The following KNL1 variants were observed in gnomAD, a reference collection of about 807,000 sequenced individuals.
KNL1 encodes the protein outer kinetochore KNL1 complex subunit KNL1.
KNL1 carries 66 observed loss-of-function variants against 201.3 expected under a neutral mutation model. The observed-to-expected ratio is 0.33, with a 90% CI of 0.27 to 0.40. KNL1 has a LOEUF of 0.40. KNL1 is among the 10% of genes least tolerant of loss of function. The pLI is 1.00. For synonymous variants in KNL1, 895 were observed against 899.2 expected, an observed-to-expected ratio of 1.00 and a Z score of 0.08; for missense variants, 2,815 against 2,690.5, an observed-to-expected ratio of 1.05 and a Z score of -1.02.
rs769140291 is a variant in KNL1 at position 40,657,058 on chromosome 15, T to TTCC, written c.6505_6507dup (p.Ser2169dup). The TTCC allele has an allele frequency of 1.9e-6, 3 of 1,577,702 alleles. No individual in the cohort carries two copies. Among genetic ancestry groups the TTCC allele is most frequent in the African/African-American group, 2.7e-5 (2 of 73,886 alleles). On this transcript the variant is annotated inframe_insertion, in exon 23 of 26. Coordinates refer to ENST00000399668, the MANE Select transcript of KNL1 (RefSeq NM_144508.5). ...CTTCCCCAGAGGATCAAGCTCCTCCTTCCTCCCTTTTAGTTCATAAGCTTA... is the reference window on the plus strand; with the variant it reads ...CTTCCCCAGAGGATCAAGCTCCTCCTTCCTCCTCCCTTTTAGTTCATAAGCTTA...
In KNL1 at chr15:40,661,938, G is replaced by C. The variant is rs1595954405; in HGVS notation, c.6837-136G>C. On this transcript the variant is annotated intron_variant, in intron 25 of 25. Transcript: ENST00000399668. ...CGCCTGTAGTCCCAGCTACTCGGGA[G>C]GCTGAGGCAGGAGAATGGCATGAAC... is the stretch of plus-strand genomic sequence containing the variant. 10 of 520,898 alleles carry C rather than the reference G, an allele frequency of 1.9e-5. No individual in the cohort carries two copies. The East Asian group carries it at 3.6e-4, about 18-fold the overall frequency. 32.3% of individuals were successfully genotyped at this position (520,898 alleles called of 1,614,324 possible). A position where few individuals can be genotyped will look rare whatever the true frequency, so the allele number is the denominator to read the frequency against.
chr15:40,601,504 T>G (rs1891789912), intron 1 of KNL1, among the ~76,000 whole-genome samples: 1 of 152,142 alleles, frequency 6.6e-6, no homozygotes, highest in South Asian at 2.1e-4. Flanking sequence ...GTGTGATAAT[T>G]TTCCAGGAAT....
chr15:40,625,194 A>C lies in KNL1; in HGVS notation c.4930A>C (p.Lys1644Gln), dbSNP rs776718326. Residue 1644 changes from lysine to glutamine, a missense_variant, in exon 10 of 26, where the codon AAA becomes CAA. Lys to Gln is a moderately conservative substitution (Grantham distance 53). This residue lies in a region of KNL1 where 2,464 missense variants were observed against 2,291.7 expected (regional missense o/e 1.08). Coordinates refer to ENST00000399668, the MANE Select transcript of KNL1 (RefSeq NM_144508.5). Reference sequence around the variant, plus strand: ...ACCGCCAAAGACAGTTTTTAAAGATAAAGTAAGGAGATGTTCTTTGGGAAT... The same window carrying C: ...ACCGCCAAAGACAGTTTTTAAAGATCAAGTAAGGAGATGTTCTTTGGGAAT... ...SLPPKTVFKD[K>Q]VRRCSLGIFL... The C allele has an allele frequency of 6.2e-7, 1 of 1,613,984 alleles. No individual in the cohort carries two copies. The highest frequency in any genetic ancestry group is 8.5e-7 in the Non-Finnish European group (1 of 1,179,952).
chr15:40,644,982 T>A lies in KNL1; in HGVS notation c.5799-15T>A, dbSNP rs1893342060. Reference sequence around the variant, plus strand: ...TCTTTTCCCTACAGTGCTAATTAACTTTTCCGTATTTTAGATTAAAGCTTT... The same window carrying A: ...TCTTTTCCCTACAGTGCTAATTAACATTTCCGTATTTTAGATTAAAGCTTT... On this transcript the variant is annotated splice_polypyrimidine_tract_variant and intron_variant, in intron 14 of 25. Transcript: ENST00000399668. 4.4e-6 allele frequency: 7 copies of A among 1,580,166 alleles called. No homozygotes were observed. The highest frequency in any genetic ancestry group is 6.1e-6 in the Non-Finnish European group (7 of 1,152,098).
intron 13 of KNL1, among the ~76,000 whole-genome samples, chr15:40,630,607 G>A (rs745883218): frequency 5.3e-5 from 8 of 152,056 alleles, no homozygotes; most frequent in East Asian, 1.9e-4. Context: ...GTGGCATTAC[G>A]TTCTCACAGA....
At position 40,609,485 on chromosome 15, in the gene KNL1, C is replaced by T. The variant is rs545784557; in HGVS notation, c.197+577C>T. ...ATTAGCAGAATTAGAATGAACTGGT[C>T]GGATTCAAGGCAGATGTCAAATGCT... On this transcript the variant is annotated intron_variant, in intron 5 of 25. Transcript: ENST00000399668. 2.3e-4 allele frequency among the ~76,000 whole-genome samples: 35 copies of T among 152,190 alleles called. 1 individual carries two copies. Among genetic ancestry groups the T allele is most frequent in the African/African-American group, 7.7e-4 (32 of 41,526 alleles).
chr15:40,610,264 CAT>C lies in KNL1; in HGVS notation c.220_221del (p.Met74GlufsTer23). 6.6e-7 allele frequency: 1 copy of C among 1,515,686 alleles called. No individual in the cohort carries two copies. Among genetic ancestry groups the C allele is most frequent in the Non-Finnish European group, 9.2e-7 (1 of 1,091,860 alleles). 93.9% of individuals were successfully genotyped at this position (1,515,686 alleles called of 1,614,324 possible). A position where few individuals can be genotyped will look rare whatever the true frequency, so the allele number is the denominator to read the frequency against. On this transcript the variant is annotated frameshift_variant, in exon 6 of 26. Coordinates refer to ENST00000399668, the MANE Select transcript of KNL1 (RefSeq NM_144508.5). LOFTEE classifies it high-confidence loss of function. ...TTCTAGGGTATTCCAGACGGAGTCTCATATGAAAATAGTGAGAAAGTCAGAAA... is the reference window on the plus strand; with the variant it reads ...TTCTAGGGTATTCCAGACGGAGTCTCATGAAAATAGTGAGAAAGTCAGAAA... Reference protein sequence around the residue: ...DTIKVFQTESHMKIVRKSEME... With the variant: ...DTIKVFQTESXMKIVRKSEME...
At chr15:40,629,495 C>CTTTTTTTTTTTTTTT (rs386382806) in intron 13 of KNL1, 124 bp downstream of exon 13, 1 of 162,464 alleles carries the variant, frequency 6.2e-6, no homozygotes, top group Non-Finnish European at 1.1e-5. Flanking sequence ...TTTGCCTTTT[C>CTTTTTTTTTTTTTTT]TTTTTTTTTT....
At chr15:40,603,548 G>A (rs763318360) in intron 2 of KNL1, among the ~76,000 whole-genome samples, 19 of 152,182 alleles carry the variant, frequency 1.2e-4, no homozygotes, top group Admixed American at 1.2e-3. Context: ...CTTAGGCCCA[G>A]TAACTTGAGA....
chr15:40,612,705 C>CA (rs1456440068), intron 7 of KNL1, among the ~76,000 whole-genome samples: 1 of 151,816 alleles, frequency 6.6e-6, no homozygotes, highest in Non-Finnish European at 1.5e-5. Context: ...TTTTAGTAGA[C>CA]ACGGGGTTTC....
chr15:40,640,563 A>C (rs917557771), intron 13 of KNL1, among the ~76,000 whole-genome samples: 2 of 152,164 alleles, frequency 1.3e-5, no homozygotes, highest in African/African-American at 4.8e-5. Context: ...AGAAAATGGG[A>C]ATAGTTACTA....
chr15:40,594,755 G>A (rs911616386), intron 1 of KNL1, among the ~76,000 whole-genome samples: 2 of 152,188 alleles, frequency 1.3e-5, no homozygotes, highest in East Asian at 1.9e-4. Context: ...CTTCCCTAGG[G>A]ACCTCTCGGC....
chr15:40,613,124 T>C (rs1021541547), intron 7 of KNL1, among the ~76,000 whole-genome samples: 26 of 152,290 alleles, frequency 1.7e-4, no homozygotes, highest in African/African-American at 6.0e-4. Context: ...TAATTGACTA[T>C]GCAGCCGGAA....
rs576489050 is a variant in KNL1 at position 40,596,757 on chromosome 15, T to C, written c.-18+2365T>C. 5.9e-5 allele frequency among the ~76,000 whole-genome samples: 9 copies of C among 151,848 alleles called. No homozygotes were observed. In the East Asian group the frequency reaches 1.8e-3, roughly 30 times the overall value. On this transcript the variant is annotated intron_variant, in intron 1 of 25. Coordinates refer to ENST00000399668, the MANE Select transcript of KNL1 (RefSeq NM_144508.5). ...GGCTCACACCTGTAATCCCAGCACT[T>C]TGGGAGGCCGAGGCAGGCAGATCAC...
chr15:40,662,230 G>T lies in KNL1; in HGVS notation c.*42G>T. ...TGGAACAACCAAGCAGAATGTACTT[G>T]ATATTATTTCAGGGTCCCATTGCTG... On this transcript the variant is annotated 3_prime_UTR_variant, in exon 26 of 26. Coordinates refer to ENST00000399668, the MANE Select transcript of KNL1 (RefSeq NM_144508.5). 8.8e-7 allele frequency: 1 copy of T among 1,140,824 alleles called. No individual in the cohort carries two copies. 70.7% of individuals were successfully genotyped at this position (1,140,824 alleles called of 1,614,324 possible).
intron 1 of KNL1, among the ~76,000 whole-genome samples, chr15:40,597,000 C>CAA (rs35126045): frequency 4.4e-5 from 4 of 90,522 alleles, no homozygotes; most frequent in African/African-American, 8.5e-5. Flanking sequence ...AACTCCATCT[C>CAA]AAAAAAAAAA....
At chr15:40,619,108 TA>T (rs953003197) in intron 9 of KNL1, 97 bp downstream of exon 9, 84 of 861,592 alleles carry the variant, frequency 9.7e-5, no homozygotes, top group Non-Finnish European at 1.4e-4. Flanking sequence ...AGGGATGACT[TA>T]AAAAAATGAA....
intron 19 of KNL1, among the ~76,000 whole-genome samples, 178 bp from the exon 20 acceptor site, chr15:40,651,293 T>TA (rs1491041703): frequency 6.5e-5 from 7 of 106,936 alleles, no homozygotes; most frequent in African/African-American, 1.3e-4. Flanking sequence ...TTAATGCTTA[T>TA]ATAAAAAAAA....
chr15:40,601,453 C>G (rs1318470611), intron 1 of KNL1, among the ~76,000 whole-genome samples: 1 of 152,134 alleles, frequency 6.6e-6, no homozygotes, highest in Non-Finnish European at 1.5e-5. Flanking sequence ...AGTAAAGTCC[C>G]TAGCATCCTG....
Sources: gnomAD v4.1 joint callset for allele counts (sites outside exome capture counted in the v4.1 genomes callset) on GRCh38, gnomAD v4.1.1 for gene constraint, gnomAD v4.1.1 regional missense constraint, MANE v1.5 for transcripts, NCBI Gene and HGNC (gene_info 2026-07-23, HGNC 2026-07-21) for gene names.